MITF: variants seen among roughly 807,000 people sequenced by gnomAD.
MITF encodes the protein microphthalmia-associated transcription factor.
In MITF, 17 loss-of-function variants were observed where a neutral mutation model predicts 60.5. The ratio of observed to expected loss-of-function variants is 0.28; its 90% confidence interval spans 0.19 to 0.42. The LOEUF (loss-of-function observed/expected upper bound fraction) is 0.42, where lower values mean the gene tolerates loss of function less well. MITF is among the 10% of genes least tolerant of loss of function. MITF has a pLI of 1.00. For missense variants in MITF, 622 were observed against 683.5 expected, an observed-to-expected ratio of 0.91 and a Z score of 1.00; for synonymous variants, 260 against 248.5, an observed-to-expected ratio of 1.05 and a Z score of -0.43.
intron 2 of MITF, among the ~76,000 whole-genome samples, chr3:69,894,352 A>G (rs1476222263): frequency 6.6e-6 from 1 of 152,138 alleles, no homozygotes; most frequent in Non-Finnish European, 1.5e-5. Flanking sequence ...GAATTACTCG[A>G]CTTCTTCCTT....
intron 1 of MITF, among the ~76,000 whole-genome samples, chr3:69,841,352 A>G (rs937754393): frequency 1.3e-5 from 2 of 152,196 alleles, no homozygotes; most frequent in African/African-American, 4.8e-5. Flanking sequence ...TTTGTTTTGT[A>G]TAGTTAATTT....
intron 1 of MITF, among the ~76,000 whole-genome samples, chr3:69,757,870 A>G (rs1240933683): frequency 6.6e-6 from 1 of 151,686 alleles, no homozygotes; most frequent in Non-Finnish European, 1.5e-5. Context: ...GAAGGGTCAA[A>G]CTTGAACCAG....
intron 2 of MITF, among the ~76,000 whole-genome samples, chr3:69,905,784 A>G (rs2065086185): frequency 6.6e-6 from 1 of 151,970 alleles, no homozygotes; most frequent in African/African-American, 2.4e-5. Context: ...CTTATTTGCC[A>G]TCTCCGTATT....
At chr3:69,942,837 A>T (rs958085585) in intron 5 of MITF, among the ~76,000 whole-genome samples, 1 of 152,060 alleles carries the variant, frequency 6.6e-6, no homozygotes, top group Admixed American at 6.6e-5. Context: ...ACCCAAAGAC[A>T]TGGGTATATT....
At chr3:69,771,540 A>C (rs1438324408) in intron 1 of MITF, among the ~76,000 whole-genome samples, 3 of 152,212 alleles carry the variant, frequency 2.0e-5, no homozygotes, top group Non-Finnish European at 4.4e-5. Flanking sequence ...GATGCAACAC[A>C]CACATAGCTG....
chr3:69,832,689 G>T (rs76744470), intron 1 of MITF, among the ~76,000 whole-genome samples: 1 of 126,406 alleles, frequency 7.9e-6, no homozygotes, highest in Admixed American at 8.1e-5. Flanking sequence ...CAGTGTATGT[G>T]TTTTTTTTGC....
chr3:69,774,571 T>G (rs970424698), intron 1 of MITF, among the ~76,000 whole-genome samples: 1 of 152,196 alleles, frequency 6.6e-6, no homozygotes, highest in Non-Finnish European at 1.5e-5. Context: ...TGACGCAATG[T>G]ATTCCTTGTG....
At chr3:69,853,531 C>T (rs1014393489) in intron 1 of MITF, among the ~76,000 whole-genome samples, 4 of 152,074 alleles carry the variant, frequency 2.6e-5, no homozygotes, top group African/African-American at 9.6e-5. Context: ...AATGAATAAC[C>T]ATGTGCCCAC....
intron 1 of MITF, among the ~76,000 whole-genome samples, chr3:69,776,492 T>C (rs1337387708): frequency 6.6e-6 from 1 of 152,194 alleles, no homozygotes; most frequent in Non-Finnish European, 1.5e-5. Context: ...GAGATAGTAA[T>C]AATACCTGCT....
chr3:69,748,659 A>G (rs1426711127), intron 1 of MITF, among the ~76,000 whole-genome samples: 1 of 152,236 alleles, frequency 6.6e-6, no homozygotes, highest in Non-Finnish European at 1.5e-5. Context: ...ATTGTGCCTC[A>G]TTGAGCAATT....
At chr3:69,831,404 T>A (rs1015813110) in intron 1 of MITF, among the ~76,000 whole-genome samples, 1 of 152,222 alleles carries the variant, frequency 6.6e-6, no homozygotes, top group African/African-American at 2.4e-5. Context: ...TTTCTCCCCT[T>A]GCCATGCAAA....
intron 2 of MITF, among the ~76,000 whole-genome samples, chr3:69,886,502 G>A (rs914847208): frequency 2.0e-5 from 3 of 152,030 alleles, no homozygotes; most frequent in African/African-American, 7.3e-5. Context: ...TTGCTTATAA[G>A]CACACATCCT....
intron 2 of MITF, among the ~76,000 whole-genome samples, chr3:69,880,107 A>G (rs1210370232): frequency 6.6e-6 from 1 of 152,238 alleles, no homozygotes; most frequent in Non-Finnish European, 1.5e-5. Context: ...GACTGATTCA[A>G]GGAAAGTTAA....
rs2107276805 is a variant in MITF at position 69,879,228 on chromosome 3, C to T, written c.199C>T (p.Gln67Ter). The change falls in exon 2 of 10, where the codon CAG becomes TAG. Residue 67 changes from glutamine to a stop codon, truncating the protein, a stop_gained. Transcript: ENST00000352241. LOFTEE classifies it high-confidence loss of function. ...GCTACGCCAGCAACTCATGCGTGAG[C>T]AGATGCAGGAGCAGGAGCGCAGGGA... ...ILLRQQLMRE[Q>*]MQEQERREQQ... The T allele has an allele frequency of 6.2e-7, 1 of 1,614,210 alleles. No individual in the cohort carries two copies. Among genetic ancestry groups the T allele is most frequent in the Non-Finnish European group, 8.5e-7 (1 of 1,180,030 alleles).
At chr3:69,870,338 ATG>A (rs926426766) in intron 1 of MITF, among the ~76,000 whole-genome samples, 4 of 148,498 alleles carry the variant, frequency 2.7e-5, no homozygotes, top group African/African-American at 9.9e-5. Flanking sequence ...ACACACATAC[ATG>A]TGTGTATATA....
chr3:69,909,634 G>T (rs566593637), intron 2 of MITF, among the ~76,000 whole-genome samples: 19 of 152,160 alleles, frequency 1.2e-4, no homozygotes, highest in Admixed American at 1.1e-3. Flanking sequence ...TGAGGAACTT[G>T]TTGGGAACTG....
Position 69,966,992 on chromosome 3 carries a change from T to C in MITF, c.*1744T>C, listed in dbSNP as rs996386761. 8 of 231,850 alleles carry C rather than the reference T, an allele frequency of 3.5e-5. No individual in the cohort carries two copies. The highest frequency in any genetic ancestry group is 1.8e-4 in the African/African-American group (8 of 45,250). 14.4% of individuals were successfully genotyped at this position (231,850 alleles called of 1,614,324 possible). ...AATTTTCCTTCAGATATTTTTAATA[T>C]TAAATATATTTTAGTGACAGAGTGC... On this transcript the variant is annotated 3_prime_UTR_variant, in exon 10 of 10. Transcript: ENST00000352241.
intron 1 of MITF, among the ~76,000 whole-genome samples, chr3:69,870,148 A>AT (rs1467179066): frequency 6.7e-6 from 1 of 149,542 alleles, no homozygotes; most frequent in East Asian, 2.0e-4. Context: ...ATTTGAATTA[A>AT]TAAAAAAAAC....
chr3:69,950,650 C>A, intron 6 of MITF, among the ~76,000 whole-genome samples: 1 of 141,456 alleles, frequency 7.1e-6, no homozygotes, highest in African/African-American at 2.8e-5. Context: ...TATATATATG[C>A]TTCAGTGGCT....
Sources: allele counts gnomAD v4.1 joint callset (sites outside exome capture counted in the v4.1 genomes callset), GRCh38; gene constraint gnomAD v4.1.1; transcripts MANE v1.5; gene names NCBI Gene and HGNC (gene_info 2026-07-23, HGNC 2026-07-21).